Variants in RIMS1 observed in about 807,000 individuals in gnomAD.
The protein encoded by RIMS1 is regulating synaptic membrane exocytosis 1, also known as regulating synaptic membrane exocytosis protein 1.
RIMS1 carries 83 observed loss-of-function variants against 214.1 expected under a neutral mutation model. The ratio of observed to expected loss-of-function variants is 0.39; its 90% CI spans 0.32 to 0.47. The LOEUF (loss-of-function observed/expected upper bound fraction) is 0.47. Among genes scored for constraint, RIMS1 ranks in the 20% least tolerant of loss-of-function variants. RIMS1 has a pLI of 0.99. For missense variants in RIMS1, 2,050 were observed against 2,161.8 expected, an observed-to-expected ratio of 0.95 and a Z score of 1.03; for synonymous variants, 793 against 786.8, an observed-to-expected ratio of 1.01 and a Z score of -0.13.
chr6:71,976,791 A>G (rs1797254160), intron 2 of RIMS1, among the ~76,000 whole-genome samples: 1 of 152,100 alleles, frequency 6.6e-6, no homozygotes, highest in African/African-American at 2.4e-5. Context: ...GTTTTTATAC[A>G]TGTGTTTGTG....
Position 72,030,596 on chromosome 6 carries a change from C to T in RIMS1, c.245+61533C>T, listed in dbSNP as rs547240579. 1.8e-4 allele frequency among the ~76,000 whole-genome samples: 27 copies of T among 152,128 alleles called. No individual in the cohort carries two copies. In the South Asian group the frequency reaches 2.3e-3, roughly 13 times the overall value. On this transcript the variant is annotated intron_variant, in intron 2 of 33. Coordinates refer to ENST00000521978, the MANE Select transcript of RIMS1 (RefSeq NM_014989.7). ...AATAACATGAATTTTAAAAGATACA[C>T]TACACAATTACATTTTAATTATTAT... is the stretch of plus-strand genomic sequence containing the variant.
chr6:72,275,283 A>G (rs1380281150), intron 23 of RIMS1, among the ~76,000 whole-genome samples: 1 of 151,244 alleles, frequency 6.6e-6, no homozygotes, highest in African/African-American at 2.4e-5. Flanking sequence ...ACGCATTGGT[A>G]ATATTTATTC....
chr6:72,264,982 G>T lies in RIMS1; in HGVS notation c.3124G>T (p.Val1042Phe). ...AECLHTTRHL[V>F]RHYKTLPPKM... The stretch of plus-strand genomic sequence containing the variant: ...TGTGTTGCTACGTTCCAGACATCTT[G>T]TTAGGCACTATAAAACATTACCTCC... Residue 1042 changes from valine (V) to phenylalanine (F), a missense_variant, in exon 20 of 34, where the codon GTT becomes TTT. By Grantham distance (50) the Val-to-Phe change is conservative. Around this residue, in one of 6 missense-constraint regions of RIMS1, gnomAD observed 889 missense variants for 885.5 expected, o/e 1.00. Coordinates refer to ENST00000521978, the MANE Select transcript of RIMS1 (RefSeq NM_014989.7). 6.3e-7 allele frequency: 1 copy of T among 1,587,784 alleles called. No homozygotes were observed. The highest frequency in any genetic ancestry group is 8.6e-7 in the Non-Finnish European group (1 of 1,164,372).
intron 26 of RIMS1, among the ~76,000 whole-genome samples, chr6:72,300,638 A>G (rs1331662250): frequency 4.6e-5 from 7 of 151,750 alleles, no homozygotes; most frequent in Non-Finnish European, 2.9e-5. Flanking sequence ...CTTATGGGAG[A>G]TAGTGTTCCC....
intron 19 of RIMS1, chr6:72,262,429 C>T (rs979998536): frequency 1.0e-6 from 1 of 984,526 alleles, no homozygotes; most frequent in African/African-American, 1.7e-5. Flanking sequence ...ATCCTGTGGA[C>T]AGGTACTACG....
Position 72,182,961 on chromosome 6 carries a change from G to T in RIMS1, c.1490G>T (p.Arg497Leu). ...AKREKVETML[R>L]NDSLSSDQSE... is the part of the protein sequence containing the mutation. ...CGCGAGAAGGTGGAGACCATGCTGC[G>T]GAACGACTCTTTGAGCTCAGACCAG... is the stretch of plus-strand genomic sequence containing the variant. Residue 497 changes from arginine (R) to leucine (L), a missense_variant, in exon 6 of 34, where the codon CGG (arginine) becomes CTG (leucine). Physicochemically the swap from Arg to Leu is moderately radical, Grantham distance 102. Coordinates refer to ENST00000521978, the MANE Select transcript of RIMS1 (RefSeq NM_014989.7). 1 of 1,593,302 alleles carries T rather than the reference G, an allele frequency of 6.3e-7. No individual in the cohort carries two copies. Among genetic ancestry groups the T allele is most frequent in the East Asian group, 2.3e-5 (1 of 43,732 alleles).
chr6:72,196,365 GTCTGTCTGTCTGTCTA>G (rs2050876621), intron 6 of RIMS1, among the ~76,000 whole-genome samples: 1 of 120,160 alleles, frequency 8.3e-6, no homozygotes, highest in African/African-American at 3.4e-5. Context: ...CTGTCTGTCT[GTCTGTCTGTCTGTCTA>G]TCTATCTATC....
chr6:71,999,932 A>T (rs1334969709), intron 2 of RIMS1, among the ~76,000 whole-genome samples: 3 of 152,160 alleles, frequency 2.0e-5, no homozygotes, highest in Admixed American at 1.3e-4. Flanking sequence ...TGAATGTCAG[A>T]TTCCACCATC....
intron 29 of RIMS1, among the ~76,000 whole-genome samples, chr6:72,343,319 AC>A: frequency 6.6e-6 from 1 of 151,606 alleles, no homozygotes; most frequent in East Asian, 2.0e-4. Flanking sequence ...TTAATGATTC[AC>A]CTGTCTTGGG....
chr6:72,097,152 G>T lies in RIMS1; in HGVS notation c.449G>T (p.Arg150Leu). 1 of 1,613,666 alleles carries T rather than the reference G, an allele frequency of 6.2e-7. No individual in the cohort carries two copies. The highest frequency in any genetic ancestry group is 1.1e-5 in the South Asian group (1 of 91,050). ...CGCTGCGGAGGCCGCGTGTCTCTACGGTCAAACAACGTGAGTATTCCATGA... is the reference window on the plus strand; with the variant it reads ...CGCTGCGGAGGCCGCGTGTCTCTACTGTCAAACAACGTGAGTATTCCATGA... Reference protein sequence around the residue: ...CARCGGRVSLRSNNEDKVVMW... With the variant: ...CARCGGRVSLLSNNEDKVVMW... Residue 150 changes from arginine to leucine, a missense_variant, in exon 3 of 34, where the codon CGG (arginine) becomes CTG (leucine). Arg to Leu is a moderately radical substitution (Grantham distance 102). This residue lies in a region of RIMS1 where 882 missense variants were observed against 828.9 expected (regional missense o/e 1.06). Transcript: ENST00000521978.
chr6:72,219,319 A>G (rs1407568326), intron 6 of RIMS1, among the ~76,000 whole-genome samples: 1 of 152,152 alleles, frequency 6.6e-6, no homozygotes, highest in African/African-American at 2.4e-5. Context: ...TTGTAGGCTA[A>G]TGAAATGGTT....
intron 4 of RIMS1, among the ~76,000 whole-genome samples, chr6:72,137,264 G>GA (rs1260864652): frequency 1.3e-5 from 2 of 151,934 alleles, no homozygotes; most frequent in Admixed American, 6.6e-5. Context: ...ATAAATTCCA[G>GA]AAAAAAGTTA....
At chr6:71,960,955 A>C (rs1792774047) in intron 1 of RIMS1, among the ~76,000 whole-genome samples, 1 of 152,110 alleles carries the variant, frequency 6.6e-6, no homozygotes, top group Non-Finnish European at 1.5e-5. Context: ...TTCTTCCTGC[A>C]GAAGACATAG....
At chr6:72,085,971 T>C (rs879121974) in intron 2 of RIMS1, among the ~76,000 whole-genome samples, 3 of 152,172 alleles carry the variant, frequency 2.0e-5, no homozygotes, top group Non-Finnish European at 4.4e-5. Context: ...TTCCCATTTA[T>C]AAAATGAGGA....
chr6:72,309,596 T>A (rs1460017340), intron 27 of RIMS1, among the ~76,000 whole-genome samples: 1 of 152,090 alleles, frequency 6.6e-6, no homozygotes, highest in African/African-American at 2.4e-5. Flanking sequence ...CTTTCCTCCC[T>A]CCTTTGCATA....
intron 29 of RIMS1, among the ~76,000 whole-genome samples, chr6:72,380,697 A>G (rs866690423): frequency 3.3e-5 from 5 of 152,108 alleles, no homozygotes; most frequent in South Asian, 2.1e-4. Flanking sequence ...AATACTTCAG[A>G]TTACTTTTTT....
At chr6:72,152,509 C>A (rs1005763126) in intron 4 of RIMS1, among the ~76,000 whole-genome samples, 2 of 151,984 alleles carry the variant, frequency 1.3e-5, no homozygotes, top group African/African-American at 2.4e-5. Flanking sequence ...AACTGTATCA[C>A]CAACTTTGGA....
At position 72,217,218 on chromosome 6, in the gene RIMS1, A is replaced by G. The variant is rs547118232; in HGVS notation, c.1679-16555A>G. 73 of 1,536,692 alleles carry G rather than the reference A, an allele frequency of 4.8e-5. No homozygotes were observed. The African/African-American group carries it at 7.8e-4, about 16-fold the overall frequency. Reference sequence around the variant, plus strand: ...TTGCTGGGTTTCTGCAGTTTCTACTACTTCATACATTGCACTCAGGAACAG... The same window carrying G: ...TTGCTGGGTTTCTGCAGTTTCTACTGCTTCATACATTGCACTCAGGAACAG... On this transcript the variant is annotated intron_variant, in intron 6 of 33. Coordinates refer to ENST00000521978, the MANE Select transcript of RIMS1 (RefSeq NM_014989.7).
chr6:72,198,079 A>G (rs1017309268), intron 6 of RIMS1, among the ~76,000 whole-genome samples: 1 of 152,124 alleles, frequency 6.6e-6, no homozygotes, highest in Non-Finnish European at 1.5e-5. Context: ...GAACAACCAT[A>G]TAATCCAGTA....
Sources: allele counts gnomAD v4.1 joint callset (sites outside exome capture counted in the v4.1 genomes callset), GRCh38; gene constraint gnomAD v4.1.1; regional missense constraint gnomAD v4.1.1; transcripts MANE v1.5; gene names NCBI Gene and HGNC (gene_info 2026-07-23, HGNC 2026-07-21).